Variants in INKA2 observed in about 807,000 individuals in gnomAD.
INKA2 encodes inka box actin regulator 2.
INKA2 carries 3 observed loss-of-function variants against 9.8 expected under a neutral mutation model. The ratio of observed to expected loss-of-function variants is 0.31; its 90% CI spans 0.14 to 0.79. The LOEUF is 0.79. Ranked by LOEUF, INKA2 falls within the 30% of genes least tolerant of loss-of-function variation. The pLI is 0.62. For synonymous variants in INKA2, 147 were observed against 143.3 expected, an observed-to-expected ratio of 1.03 and a Z score of -0.18; for missense variants, 392 against 384.4, an observed-to-expected ratio of 1.02 and a Z score of -0.17.
intron 1 of INKA2, chr1:111,753,244 G>A (rs1477755416): frequency 6.6e-6 from 1 of 152,206 alleles, no homozygotes; most frequent in Admixed American, 6.5e-5. Context: ...GGAGGAGGTA[G>A]ATGGGCTGCT....
At chr1:111,736,925 C>T (rs1323248027) in intron 1 of INKA2, among the ~76,000 whole-genome samples, 1 of 152,236 alleles carries the variant, frequency 6.6e-6, no homozygotes, top group African/African-American at 2.4e-5. Flanking sequence ...GATACTAAGG[C>T]ACTGAGATTT....
chr1:111,725,930 T>A lies in INKA2; in HGVS notation c.*1038A>T. ...ACGTATTTTTTTAGTAGAGACGGGG[T>A]TTCACCATGTTGGCCAGGCTGGTCA... On this transcript the variant is annotated 3_prime_UTR_variant, in exon 2 of 2. Coordinates refer to ENST00000357260, the MANE Select transcript of INKA2 (RefSeq NM_019099.5). 2.6e-6 allele frequency: 1 copy of A among 380,962 alleles called. No individual in the cohort carries two copies. The highest frequency in any genetic ancestry group is 4.6e-6 in the Non-Finnish European group (1 of 215,418). 23.6% of individuals were successfully genotyped at this position (380,962 alleles called of 1,614,324 possible).
Position 111,739,362 on chromosome 1 carries a change from C to G in INKA2, c.-120G>C, listed in dbSNP as rs1663088940. ...CGCCCGTAGCGCTCGCAGCGCGGAG[C>G]TGAGCCTGCGCTCCGAGCCCGGGAC... On this transcript the variant is annotated 5_prime_UTR_variant, in exon 1 of 2. Transcript: ENST00000357260. 6 of 1,540,164 alleles carry G rather than the reference C, an allele frequency of 3.9e-6. No homozygotes were observed. The highest frequency in any genetic ancestry group is 2.4e-5 in the South Asian group (2 of 84,078).
chr1:111,748,804 T>C (rs1663328389), intron 1 of INKA2, among the ~76,000 whole-genome samples: 2 of 152,164 alleles, frequency 1.3e-5, no homozygotes, highest in South Asian at 4.1e-4. Flanking sequence ...GGTCCCTCAG[T>C]GTCACCACCG....
chr1:111,723,475 G>T lies in INKA2; in HGVS notation c.*3493C>A. 1 of 250,172 alleles carries T rather than the reference G, an allele frequency of 4.0e-6. No homozygotes were observed. The highest frequency in any genetic ancestry group is 7.6e-6 in the Non-Finnish European group (1 of 131,060). The allele number at this position is 250,172 out of a possible 1,614,324, so 15.5% of individuals were successfully genotyped here. A position where few individuals can be genotyped will look rare whatever the true frequency, so the allele number is the denominator to read the frequency against. ...TCTTTTCTGTTCCCTGGGCCACAAA[G>T]AAGCAGGTGGAACCTTCCACAGATA... On this transcript the variant is annotated 3_prime_UTR_variant, in exon 2 of 2. Transcript: ENST00000357260.
rs542766386 is a variant in INKA2 at position 111,751,718 on chromosome 1, A to G, written n.124+3983T>C. Among the ~76,000 whole-genome samples, 7 of 152,288 alleles carry G rather than the reference A, an allele frequency of 4.6e-5. No individual in the cohort carries two copies. The East Asian group carries it at 9.6e-4, about 21-fold the overall frequency. On this transcript the variant is annotated intron_variant and non_coding_transcript_variant, in intron 1 of 1. Transcript: ENST00000444059. ...ATTCTAAGCTCTTTTAGAATGTGCT[A>G]TGGTGGTCCTCACCTCCAGACCTCC...
rs942287527 is a variant in INKA2, at chr1:111,724,595, ACACAC to A, written c.*2368_*2372del. The A allele has an allele frequency of 1.5e-3, 228 of 148,936 alleles. 2 individuals are homozygous for A. The highest frequency in any genetic ancestry group is 5.2e-4 in the Non-Finnish European group (35 of 67,300). The allele number at this position is 148,936 out of a possible 1,614,324, so 9.2% of individuals were successfully genotyped here. A position where few individuals can be genotyped will look rare whatever the true frequency, so the allele number is the denominator to read the frequency against. ...CACACACACACACACACACACACAC[ACACAC>A]CACCACTACCACCACCACCACCACC... On this transcript the variant is annotated 3_prime_UTR_variant, in exon 2 of 2. Transcript: ENST00000357260.
chr1:111,725,174 T>C lies in INKA2; in HGVS notation c.*1794A>G, dbSNP rs931438254. The C allele has an allele frequency of 6.6e-6, 1 of 152,156 alleles. No homozygotes were observed. Among genetic ancestry groups the C allele is most frequent in the African/African-American group, 2.4e-5 (1 of 41,392 alleles). The allele number at this position is 152,156 out of a possible 1,614,324, so 9.4% of individuals were successfully genotyped here. A position where few individuals can be genotyped will look rare whatever the true frequency, so the allele number is the denominator to read the frequency against. On this transcript the variant is annotated 3_prime_UTR_variant, in exon 2 of 2. Transcript: ENST00000357260. ...TCCAGGAAGCAAGCAGAAGAGCCTT[T>C]TCTTACTATTTTGCCTCTCCAACTG...
At chr1:111,728,466 G>A (rs113945733) in intron 1 of INKA2, among the ~76,000 whole-genome samples, 11 of 152,046 alleles carry the variant, frequency 7.2e-5, no homozygotes, top group African/African-American at 2.2e-4. Context: ...ACTCAAACAC[G>A]GTACTGTCCC....
intron 1 of INKA2, among the ~76,000 whole-genome samples, chr1:111,738,596 C>T (rs1159117199): frequency 6.6e-6 from 1 of 152,174 alleles, no homozygotes; most frequent in Non-Finnish European, 1.5e-5. Context: ...TGCTGGCAGA[C>T]AAGCCCAGGC....
chr1:111,755,441 GCA>G (rs2101409711), intron 1 of INKA2: 2 of 546,792 alleles, frequency 3.7e-6, no homozygotes, highest in African/African-American at 4.0e-5. Flanking sequence ...CTCTCTGCCA[GCA>G]CAGAGGAGCA....
At chr1:111,739,415 G>A (rs1663091045), upstream of INKA2, 1 of 1,465,580 alleles carries the variant, frequency 6.8e-7, no homozygotes. Flanking sequence ...GCGGCTAGCC[G>A]CGCGCGGTCG....
chr1:111,727,506 A>G lies in INKA2; in HGVS notation c.356T>C (p.Leu119Ser). The G allele has an allele frequency of 6.2e-7, 1 of 1,614,188 alleles. No homozygotes were observed. Among genetic ancestry groups the G allele is most frequent in the Non-Finnish European group, 8.5e-7 (1 of 1,180,030 alleles). The change falls in exon 2 of 2, where the codon TTG (leucine) becomes TCG (serine). Residue 119 changes from leucine (L) to serine (S), a missense_variant. Coordinates refer to ENST00000357260, the MANE Select transcript of INKA2 (RefSeq NM_019099.5). ...RSVCGRDLAPLPRTQPHQSCA... is the reference protein window; with the variant it reads ...RSVCGRDLAPSPRTQPHQSCA... ...GCTTTGATGTGGCTGTGTCCTGGGC[A>G]AGGGGGCTAAATCCCTTCCACAGAC... is the stretch of plus-strand genomic sequence containing the variant.
At position 111,739,219 on chromosome 1, in the gene INKA2, CAT is replaced by C. The variant is rs1381223600; in HGVS notation, c.22_23del (p.Met8GlyfsTer19). 22 of 1,613,648 alleles carry C rather than the reference CAT, an allele frequency of 1.4e-5. No individual in the cohort carries two copies. The highest frequency in any genetic ancestry group is 1.8e-5 in the Non-Finnish European group (21 of 1,179,774). On this transcript the variant is annotated frameshift_variant, in exon 1 of 2. Transcript: ENST00000357260. LOFTEE classifies it low-confidence loss of function (END_TRUNC). The part of the protein sequence containing the change: MTMESRE[M>X]DCYLRRLKQE... ...GTTTGAGGCGACGGAGATAGCAGTC[CAT>C]TTCCCTGCTCTCCATCGTCATGCGC...
At chr1:111,741,349 G>A (rs930094638), upstream of INKA2, among the ~76,000 whole-genome samples, 1 of 152,204 alleles carries the variant, frequency 6.6e-6, no homozygotes, top group Non-Finnish European at 1.5e-5. Context: ...GCCAAGCCCA[G>A]GCAACTCTGG....
chr1:111,725,237 C>T lies in INKA2; in HGVS notation c.*1731G>A, dbSNP rs1014686243. 3.9e-5 allele frequency: 6 copies of T among 152,262 alleles called. No individual in the cohort carries two copies. Among genetic ancestry groups the T allele is most frequent in the Admixed American group, 3.3e-4 (5 of 15,286 alleles). The allele number at this position is 152,262 out of a possible 1,614,324, so 9.4% of individuals were successfully genotyped here. ...TTGAGGGTGGGAAGGAATCCTGCCT[C>T]TAATTGCAGCTGTCACACCCCATCA... On this transcript the variant is annotated 3_prime_UTR_variant, in exon 2 of 2. Coordinates refer to ENST00000357260, the MANE Select transcript of INKA2 (RefSeq NM_019099.5).
upstream of INKA2, chr1:111,739,473 G>A (rs1663093049): frequency 2.9e-6 from 4 of 1,387,412 alleles, no homozygotes; most frequent in Admixed American, 6.0e-5. Flanking sequence ...GAATTCAGGG[G>A]GGCTGTCTTC....
upstream of INKA2, among the ~76,000 whole-genome samples, chr1:111,742,239 C>T (rs576002675): frequency 6.6e-6 from 1 of 152,280 alleles, no homozygotes; most frequent in Admixed American, 6.5e-5. Context: ...GCATCAGTTT[C>T]CCCTGCTTAT....
intron 1 of INKA2, among the ~76,000 whole-genome samples, chr1:111,752,694 CT>C (rs907281928): frequency 6.9e-4 from 101 of 146,454 alleles, no homozygotes; most frequent in East Asian, 9.9e-4. Context: ...TTTTCTTTTT[CT>C]TTTTTTTTTT....
Sources: gnomAD v4.1 joint callset for allele counts (sites outside exome capture counted in the v4.1 genomes callset) on GRCh38, gnomAD v4.1.1 for gene constraint, MANE v1.5 for transcripts, NCBI Gene and HGNC (gene_info 2026-07-23, HGNC 2026-07-21) for gene names.